ERC2: variants seen among roughly 807,000 people sequenced by gnomAD.
The protein encoded by ERC2 is ELKS/RAB6-interacting/CAST family member 2, also known as ERC protein 2.
A neutral mutation model predicts 114.8 loss-of-function variants in ERC2; 42 were observed. The ratio of observed to expected loss-of-function variants is 0.37; its 90% confidence interval spans 0.29 to 0.47. ERC2 has a LOEUF of 0.47. Among genes scored for constraint, ERC2 ranks in the 20% least tolerant of loss-of-function variants. The probability of loss-of-function intolerance (pLI) is 0.99; values close to 1 mark genes in which losing one functional copy is unlikely to be tolerated. For synonymous variants in ERC2, 454 were observed against 425.5 expected, an observed-to-expected ratio of 1.07 and a Z score of -0.82; for missense variants, 939 against 1,150.7, an observed-to-expected ratio of 0.82 and a Z score of 2.66.
Position 56,302,864 on chromosome 3 carries a change from C to T in ERC2, c.658-6429G>A, listed in dbSNP as rs553798285. ...ACTGCACATCAGGACAGAGACCTTC[C>T]AATACCCACTTGCACTAGGAAAGGA... is the stretch of plus-strand genomic sequence containing the variant. On this transcript the variant is annotated intron_variant, in intron 2 of 17. Transcript: ENST00000288221. Among the ~76,000 whole-genome samples the T allele has an allele frequency of 3.3e-5, 5 of 152,316 alleles. No individual in the cohort carries two copies. The South Asian group carries it at 1.0e-3, about 32-fold the overall frequency.
At chr3:55,852,590 T>A (rs907165126) in intron 14 of ERC2, 2 of 153,418 alleles carry the variant, frequency 1.3e-5, no homozygotes, top group African/African-American at 4.8e-5. Context: ...GGGTTAAAAA[T>A]TCCTTTAAAA....
intron 6 of ERC2, among the ~76,000 whole-genome samples, chr3:56,108,041 T>C (rs1271364509): frequency 6.6e-6 from 1 of 152,176 alleles, no homozygotes; most frequent in African/African-American, 2.4e-5. Flanking sequence ...TTTAAAATAC[T>C]TAGAGACAAC....
intron 13 of ERC2, among the ~76,000 whole-genome samples, chr3:55,933,580 C>T (rs896605813): frequency 2.0e-5 from 3 of 152,180 alleles, no homozygotes; most frequent in Non-Finnish European, 2.9e-5. Context: ...TATAAATACT[C>T]TTCAGGGATC....
At chr3:55,867,108 C>T (rs1014886314) in intron 14 of ERC2, among the ~76,000 whole-genome samples, 6 of 151,802 alleles carry the variant, frequency 4.0e-5, no homozygotes, top group Middle Eastern at 6.3e-3. Context: ...CCCTTCCCTT[C>T]CTTCCTGTTT....
At chr3:55,611,862 A>C (rs1320157353) in intron 17 of ERC2, among the ~76,000 whole-genome samples, 1 of 152,218 alleles carries the variant, frequency 6.6e-6, no homozygotes, top group Non-Finnish European at 1.5e-5. Context: ...TAGAACAATA[A>C]TAGAAAATAG....
intron 12 of ERC2, among the ~76,000 whole-genome samples, chr3:55,974,587 C>T (rs773780460): frequency 6.6e-6 from 1 of 152,146 alleles, no homozygotes; most frequent in South Asian, 2.1e-4. Flanking sequence ...TGGCTGCTTC[C>T]CCAGAATTCC....
chr3:56,349,242 G>A (rs1474009339), intron 2 of ERC2, among the ~76,000 whole-genome samples: 1 of 152,136 alleles, frequency 6.6e-6, no homozygotes, highest in Admixed American at 6.5e-5. Context: ...AACGAAATTA[G>A]GGCTTGATCC....
chr3:55,821,058 G>T (rs975077583), intron 14 of ERC2, among the ~76,000 whole-genome samples: 9 of 151,882 alleles, frequency 5.9e-5, no homozygotes, highest in Admixed American at 6.6e-5. Flanking sequence ...GTGCTAGAGC[G>T]TGTGAAGAAG....
chr3:55,674,000 A>C (rs918255788), intron 17 of ERC2, among the ~76,000 whole-genome samples: 5 of 152,038 alleles, frequency 3.3e-5, no homozygotes, highest in East Asian at 1.9e-4. Context: ...GGGAACAATG[A>C]AGCCTCATGC....
chr3:55,568,608 T>G (rs1443825984), intron 17 of ERC2, among the ~76,000 whole-genome samples: 2 of 152,174 alleles, frequency 1.3e-5, no homozygotes, highest in Non-Finnish European at 2.9e-5. Context: ...CTTCCCTCCA[T>G]CTCCACTGCC....
At chr3:55,553,861 G>A (rs2047567) in intron 17 of ERC2, among the ~76,000 whole-genome samples, 19,745 of 152,136 alleles carry the variant, frequency 0.13, 1,700 homozygotes, top group South Asian at 0.28. Context: ...TTCTAAGTAA[G>A]AAAAGCCAAT....
Position 56,434,398 on chromosome 3 carries a change from T to G in ERC2, c.610A>C (p.Met204Leu). 1.2e-6 allele frequency: 2 copies of G among 1,613,930 alleles called. No individual in the cohort carries two copies. ...CTCATCTGCTCCTTGAGGACAGACA[T>G]CCGCGCTGCCTCTTCTTTCCTCAAG... is the stretch of plus-strand genomic sequence containing the variant. ...RVLRKEEAARMSVLKEQMRVS... is the reference protein window; with the variant it reads ...RVLRKEEAARLSVLKEQMRVS... The change falls in exon 2 of 18, where the codon ATG (methionine) becomes CTG (leucine). Residue 204 changes from methionine (M) to leucine (L), a missense_variant. Around this residue, in one of 5 missense-constraint regions of ERC2, gnomAD observed 281 missense variants for 307.4 expected, o/e 0.91. Coordinates refer to ENST00000288221, the MANE Select transcript of ERC2 (RefSeq NM_015576.3).
chr3:55,553,011 A>ATTTTTTTT lies in ERC2; in HGVS notation c.*40-41743_*40-41736dup, dbSNP rs66602607. On this transcript the variant is annotated intron_variant, in intron 17 of 17. Coordinates refer to ENST00000288221, the MANE Select transcript of ERC2 (RefSeq NM_015576.3). ...GTCGTTATTATTGTGGGGCTTCCAG[A>ATTTTTTTT]TTTTTTTTTTTTTTTTTTTTTTTTT... Among the ~76,000 whole-genome samples, 518 of 55,178 alleles carry ATTTTTTTT rather than the reference A, an allele frequency of 9.4e-3. 107 individuals are homozygous for ATTTTTTTT. The highest frequency in any genetic ancestry group is 0.013 in the Non-Finnish European group (400 of 30,182). 36.2% of individuals were successfully genotyped at this position (55,178 alleles called of 152,430 possible). A position where few individuals can be genotyped will look rare whatever the true frequency, so the allele number is the denominator to read the frequency against.
intron 4 of ERC2, 86 bp downstream of exon 4, chr3:56,173,360 T>C: frequency 1.5e-6 from 2 of 1,298,430 alleles, no homozygotes; most frequent in Non-Finnish European, 1.1e-6. Flanking sequence ...AAACACAAGG[T>C]TCATTTCATG....
intron 11 of ERC2, among the ~76,000 whole-genome samples, chr3:55,988,768 A>G (rs1030231517): frequency 3.9e-5 from 6 of 152,210 alleles, no homozygotes; most frequent in Admixed American, 3.9e-4. Context: ...TTAATTGCAA[A>G]CATTTCTCCA....
At chr3:56,228,355 T>G (rs946428710) in intron 3 of ERC2, among the ~76,000 whole-genome samples, 2 of 152,198 alleles carry the variant, frequency 1.3e-5, no homozygotes, top group Non-Finnish European at 2.9e-5. Context: ...TAATTCTCCC[T>G]TCTCTCATGT....
chr3:56,044,613 C>A (rs1018919982), intron 7 of ERC2, among the ~76,000 whole-genome samples: 9 of 152,074 alleles, frequency 5.9e-5, no homozygotes, highest in African/African-American at 2.2e-4. Flanking sequence ...AGTACTCTAT[C>A]TATGCTCTTT....
intron 17 of ERC2, among the ~76,000 whole-genome samples, chr3:55,525,553 G>C (rs905278739): frequency 1.3e-5 from 2 of 152,210 alleles, no homozygotes; most frequent in Non-Finnish European, 2.9e-5. Flanking sequence ...AGAGGGAAGA[G>C]AGGAACCATC....
intron 6 of ERC2, among the ~76,000 whole-genome samples, chr3:56,085,274 A>G (rs992364299): frequency 6.6e-6 from 1 of 152,118 alleles, no homozygotes; most frequent in African/African-American, 2.4e-5. Context: ...GGGAGTAGAG[A>G]GTTTTTCCAG....
Sources: allele counts gnomAD v4.1 joint callset (sites outside exome capture counted in the v4.1 genomes callset), GRCh38; gene constraint gnomAD v4.1.1; regional missense constraint gnomAD v4.1.1; transcripts MANE v1.5; gene names NCBI Gene and HGNC (gene_info 2026-07-23, HGNC 2026-07-21).